NEGR1: variants seen among roughly 807,000 people sequenced by gnomAD.
The protein encoded by NEGR1 is neuronal growth regulator 1.
In NEGR1, 10 loss-of-function variants were observed where a neutral mutation model predicts 40.9. The observed-to-expected ratio is 0.24, with a 90% CI of 0.15 to 0.42. NEGR1 has a LOEUF of 0.42. Ranked by LOEUF, NEGR1 falls within the 10% of genes least tolerant of loss-of-function variation. The pLI is 1.00. For missense variants in NEGR1, 352 were observed against 438.9 expected, an observed-to-expected ratio of 0.80 and a Z score of 1.77; for synonymous variants, 185 against 166.8, an observed-to-expected ratio of 1.11 and a Z score of -0.84.
At chr1:71,738,559 C>T (rs1049367734) in intron 3 of NEGR1, among the ~76,000 whole-genome samples, 4 of 152,202 alleles carry the variant, frequency 2.6e-5, no homozygotes, top group African/African-American at 9.6e-5. Flanking sequence ...CCTCAGTTGT[C>T]GCCCTCAAGG....
At chr1:71,561,386 G>C (rs1457675243) in intron 6 of NEGR1, among the ~76,000 whole-genome samples, 1 of 151,608 alleles carries the variant, frequency 6.6e-6, no homozygotes, top group Non-Finnish European at 1.5e-5. Flanking sequence ...CAGTTTGGAT[G>C]ATAAACTATG....
At chr1:72,234,396 T>C (rs542609176) in intron 1 of NEGR1, among the ~76,000 whole-genome samples, 1 of 151,992 alleles carries the variant, frequency 6.6e-6, no homozygotes, top group Admixed American at 6.6e-5. Flanking sequence ...CCAAAAGCAA[T>C]TGCAACAATA....
intron 4 of NEGR1, among the ~76,000 whole-genome samples, chr1:71,678,499 G>A (rs1440021951): frequency 6.6e-6 from 1 of 152,002 alleles, no homozygotes; most frequent in East Asian, 1.9e-4. Context: ...CCGAGTGATT[G>A]GCCATCAACA....
At chr1:72,224,312 CTT>C (rs529451368) in intron 1 of NEGR1, among the ~76,000 whole-genome samples, 2 of 140,378 alleles carry the variant, frequency 1.4e-5, no homozygotes, top group South Asian at 2.2e-4. Context: ...GATTCTTTGA[CTT>C]TTTTTTTTTT....
At chr1:72,216,386 T>TATATATATATATATACATATATATATAC (rs1653814443) in intron 1 of NEGR1, among the ~76,000 whole-genome samples, 1 of 36,176 alleles carries the variant, frequency 2.8e-5, no homozygotes, top group Non-Finnish European at 6.1e-5. Context: ...TATATATACA[T>TATATATATATATATACATATATATATAC]ATATATATAT....
chr1:71,432,144 G>C (rs951198749), intron 6 of NEGR1, among the ~76,000 whole-genome samples: 2 of 152,164 alleles, frequency 1.3e-5, no homozygotes, highest in African/African-American at 2.4e-5. Flanking sequence ...GAGTGGTTTT[G>C]AGCAGAGGAG....
chr1:72,243,097 T>G (rs1654799800), intron 1 of NEGR1, among the ~76,000 whole-genome samples: 1 of 151,766 alleles, frequency 6.6e-6, no homozygotes, highest in South Asian at 2.1e-4. Context: ...GTTCTAAATC[T>G]TTTTAATTAT....
At chr1:71,986,248 T>C (rs952438220) in intron 1 of NEGR1, among the ~76,000 whole-genome samples, 2 of 152,228 alleles carry the variant, frequency 1.3e-5, no homozygotes, top group Non-Finnish European at 2.9e-5. Context: ...TAGCTTAAAA[T>C]TGGGCACCAG....
intron 3 of NEGR1, among the ~76,000 whole-genome samples, chr1:71,746,430 T>C (rs1329323157): frequency 6.6e-6 from 1 of 152,214 alleles, no homozygotes; most frequent in African/African-American, 2.4e-5. Context: ...CTCTTTAGTC[T>C]AAGATTATCT....
chr1:72,091,522 A>G (rs112184064), intron 1 of NEGR1, among the ~76,000 whole-genome samples: 4,970 of 151,098 alleles, frequency 0.033, 285 homozygotes, highest in African/African-American at 0.12. Flanking sequence ...AGTACATCAC[A>G]GCCCCATAGG....
At chr1:71,703,787 A>G (rs954429238) in intron 3 of NEGR1, among the ~76,000 whole-genome samples, 2 of 151,972 alleles carry the variant, frequency 1.3e-5, no homozygotes, top group African/African-American at 2.4e-5. Context: ...ACAAGCAAAT[A>G]AAAATACAGA....
intron 6 of NEGR1, among the ~76,000 whole-genome samples, chr1:71,482,527 TA>T (rs1277706129): frequency 1.3e-5 from 2 of 151,894 alleles, no homozygotes; most frequent in African/African-American, 4.8e-5. Context: ...ATGATATGAC[TA>T]AGATAATTTT....
intron 6 of NEGR1, among the ~76,000 whole-genome samples, chr1:71,488,605 C>T (rs1323296797): frequency 1.3e-5 from 2 of 151,720 alleles, no homozygotes; most frequent in African/African-American, 4.8e-5. Context: ...CAGTAACTCA[C>T]AGAATCAGAT....
chr1:72,010,565 G>A (rs369610646), intron 1 of NEGR1, among the ~76,000 whole-genome samples: 3 of 151,864 alleles, frequency 2.0e-5, no homozygotes, highest in Admixed American at 6.6e-5. Flanking sequence ...CTCAACTAAA[G>A]CATTGCAATA....
At chr1:72,023,935 G>A (rs1646782823) in intron 1 of NEGR1, among the ~76,000 whole-genome samples, 1 of 152,096 alleles carries the variant, frequency 6.6e-6, no homozygotes, top group Non-Finnish European at 1.5e-5. Context: ...CAGAGGCATA[G>A]TGAACTATTT....
intron 4 of NEGR1, among the ~76,000 whole-genome samples, chr1:71,686,248 AGAG>A (rs1260901881): frequency 1.3e-5 from 2 of 152,182 alleles, no homozygotes; most frequent in Non-Finnish European, 2.9e-5. Flanking sequence ...TGTAGTAGTC[AGAG>A]GAGGCTGAAC....
intron 6 of NEGR1, among the ~76,000 whole-genome samples, chr1:71,418,315 T>TTA (rs1646370107): frequency 6.6e-6 from 1 of 151,004 alleles, no homozygotes; most frequent in Non-Finnish European, 1.5e-5. Context: ...TATTTATTTA[T>TTA]TATATATATA....
chr1:71,425,673 G>A (rs1233783033), intron 6 of NEGR1, among the ~76,000 whole-genome samples: 1 of 152,046 alleles, frequency 6.6e-6, no homozygotes, highest in Non-Finnish European at 1.5e-5. Context: ...TAAAATATCT[G>A]AGTCGGAACA....
intron 2 of NEGR1, among the ~76,000 whole-genome samples, chr1:71,786,374 T>C (rs1370860950): frequency 6.6e-6 from 1 of 152,142 alleles, no homozygotes; most frequent in Admixed American, 6.6e-5. Context: ...TGGAAATAAA[T>C]AGTGTGCCCT....
Sources: gnomAD v4.1 joint callset for allele counts (sites outside exome capture counted in the v4.1 genomes callset) on GRCh38, gnomAD v4.1.1 for gene constraint, MANE v1.5 for transcripts, NCBI Gene and HGNC (gene_info 2026-07-23, HGNC 2026-07-21) for gene names.